ZC3H7B: variants seen among roughly 807,000 people sequenced by gnomAD.
ZC3H7B encodes the protein zinc finger CCCH-type containing 7B.
In ZC3H7B, 35 loss-of-function variants were observed where a neutral mutation model predicts 116.0. The ratio of observed to expected loss-of-function variants is 0.30; its 90% CI spans 0.23 to 0.40. The LOEUF (loss-of-function observed/expected upper bound fraction) is 0.40. ZC3H7B is among the 10% of genes least tolerant of loss of function. The pLI, the probability that ZC3H7B is intolerant of heterozygous loss-of-function variation, is 1.00. For missense variants in ZC3H7B, 1,011 were observed against 1,321.5 expected (o/e 0.77, Z 3.64); for synonymous variants, 502 against 545.6 (o/e 0.92, Z 1.11).
intron 1 of ZC3H7B, among the ~76,000 whole-genome samples, chr22:41,304,216 T>A (rs532722555): frequency 3.3e-5 from 5 of 151,624 alleles, no homozygotes; most frequent in Admixed American, 3.3e-4. Flanking sequence ...CTGCTGCAAG[T>A]TTCTTTCTTT....
chr22:41,309,353 G>A (rs1446815053), intron 1 of ZC3H7B, among the ~76,000 whole-genome samples: 2 of 150,308 alleles, frequency 1.3e-5, no homozygotes, highest in South Asian at 2.1e-4. Context: ...TCGCTCTGTC[G>A]TCCAGGCTGG....
At chr22:41,347,945 T>G in intron 14 of ZC3H7B, 122 bp from the exon 15 acceptor site, 1 of 799,828 alleles carries the variant, frequency 1.3e-6, no homozygotes, top group Non-Finnish European at 2.1e-6. Flanking sequence ...TCCTCACTCC[T>G]CTGACCCAGG....
rs183982238 is a variant in ZC3H7B at position 41,319,198 on chromosome 22, G to A, written c.-6-1457G>A. Reference sequence around the variant, plus strand: ...GGGCAGATCACGAGGTCAGGCGATCGAGACCATCCTGGCTAACACGGTGAA... The same window carrying A: ...GGGCAGATCACGAGGTCAGGCGATCAAGACCATCCTGGCTAACACGGTGAA... On this transcript the variant is annotated intron_variant, in intron 1 of 22. Coordinates refer to ENST00000352645, the MANE Select transcript of ZC3H7B (RefSeq NM_017590.6). Among the ~76,000 whole-genome samples, 89 of 152,118 alleles carry A rather than the reference G, an allele frequency of 5.9e-4. 1 individual carries two copies. The highest frequency in any genetic ancestry group is 6.8e-3 in the Middle Eastern group (2 of 294).
At chr22:41,318,458 G>C (rs899093905) in intron 1 of ZC3H7B, among the ~76,000 whole-genome samples, 1 of 151,252 alleles carries the variant, frequency 6.6e-6, no homozygotes, top group Non-Finnish European at 1.5e-5. Context: ...GAACCTGGGA[G>C]GCGGAGCGTG....
At position 41,357,822 on chromosome 22, in the gene ZC3H7B, C is replaced by T. The variant is rs375697259; in HGVS notation, c.*393C>T. On this transcript the variant is annotated 3_prime_UTR_variant, in exon 23 of 23. Coordinates refer to ENST00000352645, the MANE Select transcript of ZC3H7B (RefSeq NM_017590.6). The surrounding 1 kb of genome is among the most constrained non-coding windows in gnomAD (Gnocchi z 5.4). ...TCTCCAGCAGGAGGGTCCTTCTCTC[C>T]CTGGCCCGTCCTCCTCCCACCCCCT... 3.9e-6 allele frequency: 1 copy of T among 256,012 alleles called. No individual in the cohort carries two copies. Among genetic ancestry groups the T allele is most frequent in the East Asian group, 8.9e-5 (1 of 11,244 alleles). The allele number at this position is 256,012 out of a possible 1,614,324, so 15.9% of individuals were successfully genotyped here.
At chr22:41,324,677 G>A (rs996023245) in intron 2 of ZC3H7B, among the ~76,000 whole-genome samples, 1 of 152,166 alleles carries the variant, frequency 6.6e-6, no homozygotes, top group Admixed American at 6.5e-5. Flanking sequence ...ATGATTTGTT[G>A]AGTCCAGCAT....
rs1333487756 is a variant in ZC3H7B, at chr22:41,301,619, G to A, written c.-160G>A. On this transcript the variant is annotated 5_prime_UTR_variant, in exon 1 of 23. Coordinates refer to ENST00000352645, the MANE Select transcript of ZC3H7B (RefSeq NM_017590.6). The stretch of plus-strand genomic sequence containing the variant: ...CCAGAGCCACATGGACGGAGCTGCC[G>A]GGGCGGCGGCGCCGGGAGCAGGATG... 6.6e-6 allele frequency: 1 copy of A among 152,152 alleles called. No individual in the cohort carries two copies. Among genetic ancestry groups the A allele is most frequent in the Non-Finnish European group, 1.5e-5 (1 of 68,010 alleles). 9.4% of individuals were successfully genotyped at this position (152,152 alleles called of 1,614,324 possible).
intron 1 of ZC3H7B, among the ~76,000 whole-genome samples, chr22:41,309,595 G>A (rs991016198): frequency 1.3e-5 from 2 of 152,162 alleles, no homozygotes; most frequent in Non-Finnish European, 1.5e-5. Flanking sequence ...GATTACAGGC[G>A]TGAACCACCG....
rs1276544380 is a variant in ZC3H7B at position 41,346,415 on chromosome 22, C to T, written c.1665+207C>T. On this transcript the variant is annotated intron_variant, in intron 14 of 22. Transcript: ENST00000352645. This position sits in a 1 kb window ranked among gnomAD's most constrained non-coding sequence, Gnocchi z 5.3. ...GAGGCCAGATCTGATCCAGCCCCCT[C>T]ATTTTGCAGAGGCAGAAACTGAGGC... 1.3e-5 allele frequency among the ~76,000 whole-genome samples: 2 copies of T among 152,228 alleles called. No individual in the cohort carries two copies. Among genetic ancestry groups the T allele is most frequent in the Non-Finnish European group, 2.9e-5 (2 of 68,030 alleles).
rs1313363706 is a variant in ZC3H7B at position 41,351,806 on chromosome 22, G to A, written c.2034+160G>A. ...GATAATGTACACATTCAGCTGTTGTGTCTCATTTTATTTTATTTTATTTTA... is the reference window on the plus strand; with the variant it reads ...GATAATGTACACATTCAGCTGTTGTATCTCATTTTATTTTATTTTATTTTA... On this transcript the variant is annotated intron_variant, in intron 17 of 22. Transcript: ENST00000352645. This position sits in a 1 kb window ranked among gnomAD's most constrained non-coding sequence, Gnocchi z 5.1. Among the ~76,000 whole-genome samples, 2 of 137,794 alleles carry A rather than the reference G, an allele frequency of 1.5e-5. No individual in the cohort carries two copies. Among genetic ancestry groups the A allele is most frequent in the Admixed American group, 1.5e-4 (2 of 13,038 alleles). 90.4% of individuals were successfully genotyped at this position (137,794 alleles called of 152,430 possible).
chr22:41,306,248 G>C (rs2036039642), intron 1 of ZC3H7B, among the ~76,000 whole-genome samples: 1 of 152,102 alleles, frequency 6.6e-6, no homozygotes, highest in African/African-American at 2.4e-5. Context: ...TTGGGGATCA[G>C]GATAAGAAAC....
In ZC3H7B at chr22:41,339,058, C is replaced by G. The variant is rs992514608; in HGVS notation, c.683C>G (p.Pro228Arg). 8.1e-6 allele frequency: 13 copies of G among 1,612,046 alleles called. No individual in the cohort carries two copies. The Admixed American group carries it at 2.0e-4, about 25-fold the overall frequency. The part of the protein sequence containing the change: ...PALLPSTPTM[P>R]LFPHVLDLLA... ...CTTCTCCCCTCCACGCCCACGATGC[C>G]CCTGTTCCCTCACGTTCTGGACCTG... Residue 228 changes from proline (P) to arginine (R), a missense_variant, in exon 9 of 23, where the codon CCC becomes CGC. By Grantham distance (103) the Pro-to-Arg change is moderately radical. This residue lies in a region of ZC3H7B where 322 missense variants were observed against 443.9 expected (regional missense o/e 0.73). Coordinates refer to ENST00000352645, the MANE Select transcript of ZC3H7B (RefSeq NM_017590.6).
intron 14 of ZC3H7B, 63 bp from the exon 15 acceptor site, chr22:41,348,004 G>A: frequency 1.4e-6 from 2 of 1,420,998 alleles, no homozygotes; most frequent in Admixed American, 1.7e-5. Flanking sequence ...GCTGTGTGGG[G>A]TCCCAGCTCA....
chr22:41,301,678 T>G lies in ZC3H7B; in HGVS notation c.-101T>G, dbSNP rs1378016322. On this transcript the variant is annotated 5_prime_UTR_variant, in exon 1 of 23. Coordinates refer to ENST00000352645, the MANE Select transcript of ZC3H7B (RefSeq NM_017590.6). ...CGTAATTAAATAGCATTTACTCTTA[T>G]TATTACTAATAATAATAACGTAATC... is the stretch of plus-strand genomic sequence containing the variant. 1 of 152,112 alleles carries G rather than the reference T, an allele frequency of 6.6e-6. No homozygotes were observed. The highest frequency in any genetic ancestry group is 1.5e-5 in the Non-Finnish European group (1 of 68,014). The allele number at this position is 152,112 out of a possible 1,614,324, so 9.4% of individuals were successfully genotyped here. A position where few individuals can be genotyped will look rare whatever the true frequency, so the allele number is the denominator to read the frequency against.
intron 16 of ZC3H7B, among the ~76,000 whole-genome samples, chr22:41,350,066 A>G (rs2036637534): frequency 6.6e-6 from 1 of 152,226 alleles, no homozygotes; most frequent in Non-Finnish European, 1.5e-5. Context: ...GCAATGGGAC[A>G]GAGACAGACT....
Position 41,349,043 on chromosome 22 carries a change from GA to G in ZC3H7B, c.1767-75del. The G allele has an allele frequency of 6.7e-7, 1 of 1,489,954 alleles. No homozygotes were observed. Among genetic ancestry groups the G allele is most frequent in the South Asian group, 1.2e-5 (1 of 80,732 alleles). The allele number at this position is 1,489,954 out of a possible 1,614,324, so 92.3% of individuals were successfully genotyped here. On this transcript the variant is annotated intron_variant, in intron 15 of 22. Transcript: ENST00000352645. This position sits in a 1 kb window ranked among gnomAD's most constrained non-coding sequence, Gnocchi z 4.9. The stretch of plus-strand genomic sequence containing the variant: ...GTGCCCAGGGAGAGCCTGGCACTGG[GA>G]AGGTGGCCCTACCAGGAGAGAAGGT...
At chr22:41,345,549 C>T (rs1205941339) in intron 13 of ZC3H7B, among the ~76,000 whole-genome samples, 5 of 152,126 alleles carry the variant, frequency 3.3e-5, no homozygotes, top group Non-Finnish European at 5.9e-5. Context: ...CGTGCCATTG[C>T]ACTCCAGCAT....
intron 2 of ZC3H7B, among the ~76,000 whole-genome samples, chr22:41,322,235 T>A (rs948055761): frequency 3.3e-5 from 5 of 151,904 alleles, no homozygotes; most frequent in African/African-American, 1.2e-4. Context: ...TTGTCCAGGC[T>A]GGAACGCAGT....
At chr22:41,316,687 T>A (rs1423267671) in intron 1 of ZC3H7B, among the ~76,000 whole-genome samples, 1 of 141,186 alleles carries the variant, frequency 7.1e-6, no homozygotes. Flanking sequence ...CAGCCTTAAC[T>A]TCCTGGGCTC....
Sources: allele counts gnomAD v4.1 joint callset (sites outside exome capture counted in the v4.1 genomes callset), GRCh38; gene constraint gnomAD v4.1.1; regional missense constraint gnomAD v4.1.1; non-coding constraint Gnocchi (gnomAD v3.1); transcripts MANE v1.5; gene names NCBI Gene and HGNC (gene_info 2026-07-23, HGNC 2026-07-21).